The following OSBP2 variants were observed in gnomAD, a reference collection of about 807,000 sequenced individuals.
The protein encoded by OSBP2 is oxysterol binding protein 2, also known as oxysterol-binding protein 2.
OSBP2 carries 66 observed loss-of-function variants against 96.0 expected under a neutral mutation model. The ratio of observed to expected loss-of-function variants is 0.69; its 90% confidence interval spans 0.56 to 0.84. The LOEUF (loss-of-function observed/expected upper bound fraction) is 0.84, where lower values mean the gene tolerates loss of function less well. Ranked by LOEUF, OSBP2 falls within the 40% of genes least tolerant of loss-of-function variation. OSBP2 has a pLI of 0.00. For missense variants in OSBP2, 1,038 were observed against 1,222.7 expected, an observed-to-expected ratio of 0.85 and a Z score of 2.25; for synonymous variants, 525 against 520.9, an observed-to-expected ratio of 1.01 and a Z score of -0.11.
chr22:30,764,008 C>T (rs991885966), intron 2 of OSBP2, among the ~76,000 whole-genome samples: 18 of 152,208 alleles, frequency 1.2e-4, no homozygotes, highest in Non-Finnish European at 2.1e-4. Flanking sequence ...AGCAGGTTGG[C>T]TGGCTTGCAA....
intron 2 of OSBP2, among the ~76,000 whole-genome samples, chr22:30,867,239 C>T (rs1289942700): frequency 6.6e-6 from 1 of 152,124 alleles, no homozygotes; most frequent in African/African-American, 2.4e-5. Flanking sequence ...CTTGTCTTTC[C>T]CATGGACTGC....
chr22:30,828,406 C>A (rs535051394), intron 2 of OSBP2, among the ~76,000 whole-genome samples: 1 of 152,338 alleles, frequency 6.6e-6, no homozygotes, highest in African/African-American at 2.4e-5. Context: ...CCCAGGCCAG[C>A]ATCCCTCTGA....
At chr22:30,894,320 C>A in intron 12 of OSBP2, 1 of 277,948 alleles carries the variant, frequency 3.6e-6, no homozygotes. Flanking sequence ...TAGGAAAGTC[C>A]AAAGAGAACA....
At chr22:30,799,057 T>TTTCCTTCCTTCCTTCCTTCCTTCC (rs1159820708) in intron 2 of OSBP2, among the ~76,000 whole-genome samples, 4 of 120,256 alleles carry the variant, frequency 3.3e-5, no homozygotes, top group African/African-American at 9.4e-5. Context: ...CATGCAAAGG[T>TTTCCTTCCTTCCTTCCTTCCTTCC]TTCCTTCCTT....
Position 30,719,152 on chromosome 22 carries a change from A to C in OSBP2, c.645-22009A>C, listed in dbSNP as rs185274482. ...GCCTGTACTTACCTGAGTGCCTCGCAGTCCTCTCAACATTATCCCTGGCTT... is the reference window on the plus strand; with the variant it reads ...GCCTGTACTTACCTGAGTGCCTCGCCGTCCTCTCAACATTATCCCTGGCTT... On this transcript the variant is annotated intron_variant, in intron 1 of 13. Coordinates refer to ENST00000332585, the MANE Select transcript of OSBP2 (RefSeq NM_030758.4). Among the ~76,000 whole-genome samples, 569 of 152,010 alleles carry C rather than the reference A, an allele frequency of 3.7e-3. 3 individuals are homozygous for C. Among genetic ancestry groups the C allele is most frequent in the Non-Finnish European group, 5.6e-3 (384 of 67,986 alleles).
intron 5 of OSBP2, 95 bp downstream of exon 5, chr22:30,888,435 T>G (rs1467369564): frequency 1.2e-6 from 1 of 818,234 alleles, no homozygotes; most frequent in Non-Finnish European, 2.1e-6. Context: ...CTTGGGGTTT[T>G]CTTTCCTTTA....
intron 2 of OSBP2, among the ~76,000 whole-genome samples, chr22:30,865,901 G>A (rs9619144): frequency 0.018 from 2,745 of 152,304 alleles, 41 homozygotes; most frequent in Non-Finnish European, 0.027. Flanking sequence ...CCACCTCCAT[G>A]CAGACAGCCT....
chr22:30,775,706 T>C (rs2090423928), intron 2 of OSBP2, among the ~76,000 whole-genome samples: 3 of 152,222 alleles, frequency 2.0e-5, no homozygotes. Context: ...TTCAAATACC[T>C]AATTATAAAT....
intron 1 of OSBP2, among the ~76,000 whole-genome samples, chr22:30,712,654 C>A (rs961981305): frequency 6.6e-6 from 1 of 152,122 alleles, no homozygotes; most frequent in African/African-American, 2.4e-5. Flanking sequence ...CCAGGATCAC[C>A]CTCATTTTAC....
At chr22:30,887,953 A>C (rs1285968170) in intron 4 of OSBP2, among the ~76,000 whole-genome samples, 1 of 152,206 alleles carries the variant, frequency 6.6e-6, no homozygotes, top group African/African-American at 2.4e-5. Context: ...CAGAAAGGGA[A>C]GCTGGGCCAC....
chr22:30,852,127 T>C (rs2038989240), intron 2 of OSBP2, among the ~76,000 whole-genome samples: 1 of 152,188 alleles, frequency 6.6e-6, no homozygotes, highest in Non-Finnish European at 1.5e-5. Context: ...CTTGTAGTTT[T>C]TCTTGTGATG....
At chr22:30,822,508 G>GGAACCACGAGTGTCCGCCGCCTC in intron 2 of OSBP2, 1 of 1,348,416 alleles carries the variant, frequency 7.4e-7, no homozygotes, top group Non-Finnish European at 9.5e-7. Context: ...CGCGGCGCCG[G>GGAACCACGAGTGTCCGCCGCCTC]GACCCACGAG....
chr22:30,805,721 T>C (rs1446603632), intron 2 of OSBP2, among the ~76,000 whole-genome samples: 1 of 152,204 alleles, frequency 6.6e-6, no homozygotes, highest in Non-Finnish European at 1.5e-5. Flanking sequence ...TGAGGTGGCC[T>C]AGGCCTGCTG....
intron 2 of OSBP2, among the ~76,000 whole-genome samples, chr22:30,751,647 G>A (rs1264547496): frequency 2.6e-5 from 4 of 152,096 alleles, no homozygotes; most frequent in African/African-American, 4.8e-5. Flanking sequence ...GAGCCACTGC[G>A]CCCAGCCCTC....
chr22:30,834,787 A>G (rs777916571), intron 2 of OSBP2, among the ~76,000 whole-genome samples: 8 of 147,124 alleles, frequency 5.4e-5, no homozygotes, highest in East Asian at 2.0e-4. Context: ...CTCCTATTCT[A>G]TGGATTGTCT....
intron 3 of OSBP2, among the ~76,000 whole-genome samples, chr22:30,885,213 G>T (rs2039785014): frequency 6.6e-6 from 1 of 152,230 alleles, no homozygotes; most frequent in African/African-American, 2.4e-5. Flanking sequence ...GGGTGCTCCA[G>T]GTCAGCTGGG....
chr22:30,841,643 G>A (rs934101114), intron 2 of OSBP2, among the ~76,000 whole-genome samples: 5 of 152,060 alleles, frequency 3.3e-5, no homozygotes, highest in Non-Finnish European at 5.9e-5. Context: ...TGTTTATATT[G>A]TACTCTAGTA....
intron 1 of OSBP2, among the ~76,000 whole-genome samples, chr22:30,713,259 T>C (rs1178054911): frequency 6.6e-6 from 1 of 151,798 alleles, no homozygotes; most frequent in Non-Finnish European, 1.5e-5. Flanking sequence ...TTTCTATTTT[T>C]TAGTAGAGAC....
intron 12 of OSBP2, among the ~76,000 whole-genome samples, chr22:30,898,075 T>C (rs1449610276): frequency 6.6e-6 from 1 of 152,134 alleles, no homozygotes; most frequent in Non-Finnish European, 1.5e-5. Context: ...AATTCTAATA[T>C]TAGAGAAAGT....
Sources: gnomAD v4.1 joint callset for allele counts (sites outside exome capture counted in the v4.1 genomes callset) on GRCh38, gnomAD v4.1.1 for gene constraint, MANE v1.5 for transcripts, NCBI Gene and HGNC (gene_info 2026-07-23, HGNC 2026-07-21) for gene names.